SPOCK3: variants seen among roughly 807,000 people sequenced by gnomAD.
SPOCK3 encodes the protein SPARC (osteonectin), cwcv and kazal like domains proteoglycan 3, also known as testican-3.
A neutral mutation model predicts 56.6 loss-of-function variants in SPOCK3; 30 were observed. The ratio of observed to expected loss-of-function variants is 0.53; its 90% CI spans 0.40 to 0.72. The LOEUF (loss-of-function observed/expected upper bound fraction) is 0.72. Ranked by LOEUF, SPOCK3 falls within the 30% of genes least tolerant of loss-of-function variation. The pLI, the probability that SPOCK3 is intolerant of heterozygous loss-of-function variation, is 0.00. For missense variants in SPOCK3, 527 were observed against 530.0 expected, an observed-to-expected ratio of 0.99 and a Z score of 0.06; for synonymous variants, 196 against 183.3, an observed-to-expected ratio of 1.07 and a Z score of -0.56.
chr4:167,005,634 A>T (rs1749392654), intron 3 of SPOCK3, among the ~76,000 whole-genome samples: 1 of 152,074 alleles, frequency 6.6e-6, no homozygotes, highest in Non-Finnish European at 1.5e-5. Flanking sequence ...ACTTTGTGCA[A>T]ACCCTCTACT....
At position 167,158,916 on chromosome 4, in the gene SPOCK3, C is replaced by G. The variant is rs781759108; in HGVS notation, c.189+75069G>C. Among the ~76,000 whole-genome samples the G allele has an allele frequency of 4.0e-5, 6 of 151,880 alleles. 1 individual carries two copies. The South Asian group carries it at 1.2e-3, about 31-fold the overall frequency. On this transcript the variant is annotated intron_variant, in intron 2 of 10. Transcript: ENST00000357545. ...GATCTCAGTAACAGTAAAATACCTA[C>G]TCATGCAAACTAGAAGGAAGGCAGA...
chr4:167,018,800 A>C (rs1404611638), intron 3 of SPOCK3, among the ~76,000 whole-genome samples: 1 of 151,978 alleles, frequency 6.6e-6, no homozygotes, highest in Non-Finnish European at 1.5e-5. Context: ...CTATCAGCAG[A>C]GTATGCAGCA....
chr4:166,891,581 G>GA (rs1319145717), intron 5 of SPOCK3, among the ~76,000 whole-genome samples: 2 of 151,070 alleles, frequency 1.3e-5, no homozygotes, highest in East Asian at 1.9e-4. Context: ...TTCAAAAATT[G>GA]AAAAAAAAGA....
intron 5 of SPOCK3, among the ~76,000 whole-genome samples, chr4:166,905,841 T>C (rs1736547823): frequency 6.6e-6 from 1 of 151,826 alleles, no homozygotes; most frequent in African/African-American, 2.4e-5. Flanking sequence ...CAGCAAACCA[T>C]TAAAAACTGA....
At chr4:166,767,251 T>G (rs1280463967) in intron 7 of SPOCK3, among the ~76,000 whole-genome samples, 1 of 152,226 alleles carries the variant, frequency 6.6e-6, no homozygotes, top group East Asian at 1.9e-4. Context: ...TGTTTGCTCT[T>G]GCCTCTCTAG....
chr4:167,130,802 C>T (rs1157549157), intron 2 of SPOCK3, among the ~76,000 whole-genome samples: 1 of 152,028 alleles, frequency 6.6e-6, no homozygotes, highest in African/African-American at 2.4e-5. Flanking sequence ...GACTGAATCA[C>T]AAAATACTGT....
chr4:166,909,022 A>C (rs908291964), intron 5 of SPOCK3, among the ~76,000 whole-genome samples: 1 of 152,142 alleles, frequency 6.6e-6, no homozygotes, highest in African/African-American at 2.4e-5. Flanking sequence ...TTAAAAAGAA[A>C]GATTAAATAG....
At chr4:166,901,223 A>G (rs750182369) in intron 5 of SPOCK3, among the ~76,000 whole-genome samples, 5 of 152,224 alleles carry the variant, frequency 3.3e-5, no homozygotes, top group Non-Finnish European at 5.9e-5. Context: ...TAGAAAAACC[A>G]AGACAAATTA....
Position 167,071,125 on chromosome 4 carries a change from G to C in SPOCK3, c.190-8588C>G, listed in dbSNP as rs536677217. On this transcript the variant is annotated intron_variant, in intron 2 of 10. Coordinates refer to ENST00000357545, the MANE Select transcript of SPOCK3 (RefSeq NM_001040159.2). ...TGAAAATTGAGGTTAGAATCCCTCT[G>C]AATATATAGAGACTGTGTACTGGTT... Among the ~76,000 whole-genome samples the C allele has an allele frequency of 2.0e-5, 3 of 152,102 alleles. No homozygotes were observed. In the East Asian group the frequency reaches 5.8e-4, roughly 30 times the overall value.
chr4:166,926,618 A>T (rs1739137876), intron 4 of SPOCK3, among the ~76,000 whole-genome samples: 1 of 152,002 alleles, frequency 6.6e-6, no homozygotes, highest in Non-Finnish European at 1.5e-5. Context: ...CTTTATGTCC[A>T]AGCAACCCAA....
chr4:167,216,307 G>C lies in SPOCK3; in HGVS notation c.189+17678C>G, dbSNP rs569973458. ...TACAGTTGCAGCTATATACAATCCT[G>C]TTCTGTAATACATTAAAAGATGAAT... On this transcript the variant is annotated intron_variant, in intron 2 of 10. Coordinates refer to ENST00000357545, the MANE Select transcript of SPOCK3 (RefSeq NM_001040159.2). Among the ~76,000 whole-genome samples, 160 of 152,104 alleles carry C rather than the reference G, an allele frequency of 1.1e-3. 1 individual carries two copies. The highest frequency in any genetic ancestry group is 1.8e-3 in the Non-Finnish European group (125 of 67,976).
intron 6 of SPOCK3, among the ~76,000 whole-genome samples, chr4:166,867,498 A>G (rs1029338645): frequency 4.0e-5 from 6 of 151,842 alleles, no homozygotes; most frequent in Non-Finnish European, 7.4e-5. Flanking sequence ...ATAAGTAATC[A>G]CATGTTGAGA....
At chr4:166,800,985 TTAAGA>T (rs1325888414) in intron 6 of SPOCK3, among the ~76,000 whole-genome samples, 1 of 152,178 alleles carries the variant, frequency 6.6e-6, no homozygotes, top group Non-Finnish European at 1.5e-5. Flanking sequence ...CTTTTCTATG[TTAAGA>T]TATGTTCAGC....
intron 2 of SPOCK3, among the ~76,000 whole-genome samples, chr4:167,197,862 G>A (rs185037784): frequency 1.3e-4 from 20 of 152,240 alleles, no homozygotes; most frequent in Non-Finnish European, 1.5e-5. Flanking sequence ...ATAAAGGACA[G>A]ATCCAAACTG....
intron 2 of SPOCK3, among the ~76,000 whole-genome samples, chr4:167,177,734 T>C (rs1351756157): frequency 1.3e-5 from 2 of 151,318 alleles, no homozygotes; most frequent in African/African-American, 4.9e-5. Flanking sequence ...GACCTTTTTC[T>C]TTTATCTGCA....
chr4:166,906,745 T>C (rs1736663384), intron 5 of SPOCK3, among the ~76,000 whole-genome samples: 1 of 152,024 alleles, frequency 6.6e-6, no homozygotes, highest in Admixed American at 6.6e-5. Context: ...CACATATTTT[T>C]ATTTTTTAAT....
At chr4:166,807,936 A>C (rs2126713551) in intron 6 of SPOCK3, among the ~76,000 whole-genome samples, 1 of 152,182 alleles carries the variant, frequency 6.6e-6, no homozygotes, top group South Asian at 2.1e-4. Context: ...TGACATAATA[A>C]CTACTTCTAA....
At chr4:167,083,178 T>G in intron 2 of SPOCK3, 1 of 764,818 alleles carries the variant, frequency 1.3e-6, no homozygotes, top group South Asian at 1.3e-5. Flanking sequence ...CAAGATGTAT[T>G]GAGATAGCTA....
chr4:166,913,782 C>G (rs750259271), intron 4 of SPOCK3, among the ~76,000 whole-genome samples: 21 of 151,138 alleles, frequency 1.4e-4, no homozygotes, highest in Non-Finnish European at 2.2e-4. Context: ...TTTTCTGTCT[C>G]TCTCTCTCTC....
Sources: allele counts gnomAD v4.1 joint callset (sites outside exome capture counted in the v4.1 genomes callset), GRCh38; gene constraint gnomAD v4.1.1; transcripts MANE v1.5; gene names NCBI Gene and HGNC (gene_info 2026-07-23, HGNC 2026-07-21).